Variants in HHIPL1 observed in about 807,000 individuals in gnomAD.
HHIPL1 encodes the protein HHIP-like protein 1.
In HHIPL1, 43 loss-of-function variants were observed where a neutral mutation model predicts 61.8. That is an observed-to-expected ratio of 0.70 (90% CI 0.55 to 0.90). The LOEUF (loss-of-function observed/expected upper bound fraction) is 0.90. HHIPL1 is among the 40% of genes least tolerant of loss of function. HHIPL1 has a pLI of 0.00. For synonymous variants in HHIPL1, 482 were observed against 515.8 expected (o/e 0.93, Z 0.89); for missense variants, 1,056 against 1,157.7 (o/e 0.91, Z 1.28).
At chr14:99,652,103 C>T (rs2055940253) in intron 1 of HHIPL1, 121 bp from the exon 2 acceptor site, 5 of 858,552 alleles carry the variant, frequency 5.8e-6, no homozygotes, top group African/African-American at 1.7e-5. Context: ...AGGCAGATGG[C>T]GTTGTCTCCA....
Position 99,657,066 on chromosome 14 carries a change from C to A in HHIPL1, c.969C>A (p.Asp323Glu). The A allele has an allele frequency of 6.2e-7, 1 of 1,613,518 alleles. No homozygotes were observed. Among genetic ancestry groups the A allele is most frequent in the South Asian group, 1.1e-5 (1 of 90,992 alleles). ...GGGGCCAGCTGCTTTTCGGGGATGA[C>A]GGGTACCTCTACATCTTCACTGGAG... ...HNGGQLLFGD[D>E]GYLYIFTGDG... The change falls in exon 3 of 9, where the codon GAC becomes GAA. Residue 323 changes from aspartate to glutamate, a missense_variant. Physicochemically the swap from Asp to Glu is conservative, Grantham distance 45 (BLOSUM62 2). Coordinates refer to ENST00000330710, the MANE Select transcript of HHIPL1 (RefSeq NM_001127258.3).
chr14:99,646,450 C>A (rs144767726), intron 1 of HHIPL1, among the ~76,000 whole-genome samples: 3,364 of 152,330 alleles, frequency 0.022, 60 homozygotes, highest in Non-Finnish European at 0.035. Context: ...AGCTTCGTGA[C>A]CTGGGCAGGT....
chr14:99,637,148 CAGAA>C, the HHIPL1 span, among the ~76,000 whole-genome samples: 66 of 88,046 alleles, frequency 7.5e-4, 2 homozygotes, highest in South Asian at 6.5e-3. Flanking sequence ...GAAAGGGAGG[CAGAA>C]AGAAAGAAAG....
chr14:99,640,246 A>G (rs148783111), upstream of HHIPL1, among the ~76,000 whole-genome samples: 1,317 of 152,292 alleles, frequency 8.6e-3, 21 homozygotes, highest in African/African-American at 0.03. Context: ...AGAGTATGCA[A>G]CACATATTTT....
At chr14:99,609,722 T>G in the HHIPL1 span, among the ~76,000 whole-genome samples, 97,425 of 152,140 alleles carry the variant, frequency 0.64, 34,584 homozygotes, top group South Asian at 0.87. Context: ...CTGTTAACCA[T>G]CGTGCCAGGC....
chr14:99,628,943 C>A, the HHIPL1 span, among the ~76,000 whole-genome samples: 1 of 152,334 alleles, frequency 6.6e-6, no homozygotes, highest in Non-Finnish European at 1.5e-5. Context: ...GCCTCCCTGC[C>A]TCCGAGGAGC....
chr14:99,670,090 A>G (rs2056309739), intron 7 of HHIPL1, among the ~76,000 whole-genome samples: 1 of 151,932 alleles, frequency 6.6e-6, no homozygotes, highest in South Asian at 2.1e-4. Context: ...ACTATTAATT[A>G]AACTCTACAA....
the HHIPL1 span, among the ~76,000 whole-genome samples, chr14:99,636,241 C>T: frequency 2.0e-5 from 3 of 151,734 alleles, no homozygotes; most frequent in African/African-American, 7.3e-5. Flanking sequence ...GTGTATGACC[C>T]CTGGAGACTC....
At chr14:99,629,246 T>C in the HHIPL1 span, among the ~76,000 whole-genome samples, 1 of 152,204 alleles carries the variant, frequency 6.6e-6, no homozygotes, top group Non-Finnish European at 1.5e-5. Flanking sequence ...ATCAGGCTGC[T>C]GGACAGCCAC....
chr14:99,665,616 G>A (rs1468589381), intron 6 of HHIPL1, among the ~76,000 whole-genome samples: 2 of 152,160 alleles, frequency 1.3e-5, no homozygotes, highest in African/African-American at 4.8e-5. Flanking sequence ...TAAATAGTTT[G>A]TAGAGATGGG....
rs1173423243 is a variant in HHIPL1 at position 99,678,109 on chromosome 14, A to G, written c.*2483A>G. On this transcript the variant is annotated 3_prime_UTR_variant, in exon 9 of 9. Coordinates refer to ENST00000330710, the MANE Select transcript of HHIPL1 (RefSeq NM_001127258.3). The stretch of plus-strand genomic sequence containing the variant: ...CACAGCCTAGATCCCTCGCATGCAC[A>G]GTTCATAGTAGGTTTCATGTTCCTA... The G allele has an allele frequency of 6.6e-6, 1 of 152,224 alleles. No individual in the cohort carries two copies. Among genetic ancestry groups the G allele is most frequent in the African/African-American group, 2.4e-5 (1 of 41,454 alleles). 9.4% of individuals were successfully genotyped at this position (152,224 alleles called of 1,614,324 possible).
Position 99,661,421 on chromosome 14 carries a change from AGAAGGAAGGAAG to A in HHIPL1, c.1502+1034_1502+1045del, listed in dbSNP as rs11276316. Reference sequence around the variant, plus strand: ...AGAAAGAAAGAGAGAGAGAGAGAAAAGAAGGAAGGAAGGAAGGAAGGAAGGAAGGAGTACATG... The same window carrying A: ...AGAAAGAAAGAGAGAGAGAGAGAAAAGAAGGAAGGAAGGAAGGAGTACATG... On this transcript the variant is annotated intron_variant, in intron 5 of 8. Coordinates refer to ENST00000330710, the MANE Select transcript of HHIPL1 (RefSeq NM_001127258.3). Among the ~76,000 whole-genome samples, 122 of 143,512 alleles carry A rather than the reference AGAAGGAAGGAAG, an allele frequency of 8.5e-4. 1 individual carries two copies. The highest frequency in any genetic ancestry group is 3.1e-3 in the African/African-American group (117 of 38,048). The allele number at this position is 143,512 out of a possible 152,430, so 94.1% of individuals were successfully genotyped here. A position where few individuals can be genotyped will look rare whatever the true frequency, so the allele number is the denominator to read the frequency against.
upstream of HHIPL1, among the ~76,000 whole-genome samples, chr14:99,644,888 C>G (rs527988651): frequency 1.3e-5 from 2 of 152,298 alleles, no homozygotes; most frequent in South Asian, 4.1e-4. Context: ...GCCTCCCTGG[C>G]TAAAGAGCGC....
At chr14:99,662,493 C>A (rs532274143) in intron 5 of HHIPL1, among the ~76,000 whole-genome samples, 2 of 152,150 alleles carry the variant, frequency 1.3e-5, no homozygotes, top group African/African-American at 2.4e-5. Context: ...CGGTCTTGTT[C>A]GTTCCTGTGG....
chr14:99,637,441 G>A, the HHIPL1 span, among the ~76,000 whole-genome samples: 1 of 151,830 alleles, frequency 6.6e-6, no homozygotes, highest in South Asian at 2.1e-4. Flanking sequence ...GCGTGATGGC[G>A]GGTGCCTCTA....
In HHIPL1 at chr14:99,679,648, C is replaced by T. The variant is rs763614878; in HGVS notation, c.*4022C>T. On this transcript the variant is annotated 3_prime_UTR_variant, in exon 9 of 9. Coordinates refer to ENST00000330710, the MANE Select transcript of HHIPL1 (RefSeq NM_001127258.3). Reference sequence around the variant, plus strand: ...CCTGGCTCTGTGCCTCTCTGAGTCTCATTGCAAAATAGAGGTCACCAGAAG... The same window carrying T: ...CCTGGCTCTGTGCCTCTCTGAGTCTTATTGCAAAATAGAGGTCACCAGAAG... The T allele has an allele frequency of 1.3e-5, 2 of 152,230 alleles. No individual in the cohort carries two copies. The highest frequency in any genetic ancestry group is 1.5e-5 in the Non-Finnish European group (1 of 68,040). 9.4% of individuals were successfully genotyped at this position (152,230 alleles called of 1,614,324 possible).
chr14:99,642,550 G>C (rs1391401541), upstream of HHIPL1, among the ~76,000 whole-genome samples: 1 of 151,200 alleles, frequency 6.6e-6, no homozygotes, highest in Non-Finnish European at 1.5e-5. Flanking sequence ...TTCTGAGACG[G>C]AGTCTCGCTC....
chr14:99,653,306 G>A (rs750124461), intron 2 of HHIPL1, among the ~76,000 whole-genome samples: 152 of 145,928 alleles, frequency 1.0e-3, no homozygotes, highest in Non-Finnish European at 1.7e-3. Flanking sequence ...AGCCTGCCTC[G>A]CTCTGGCCTG....
At chr14:99,615,831 C>T in the HHIPL1 span, among the ~76,000 whole-genome samples, 1 of 152,102 alleles carries the variant, frequency 6.6e-6, no homozygotes, top group Non-Finnish European at 1.5e-5. Flanking sequence ...AAAGGAGGCT[C>T]CCGGAGGAAC....
Sources: gnomAD v4.1 joint callset for allele counts (sites outside exome capture counted in the v4.1 genomes callset) on GRCh38, gnomAD v4.1.1 for gene constraint, MANE v1.5 for transcripts, NCBI Gene and HGNC (gene_info 2026-07-23, HGNC 2026-07-21) for gene names.